The following CELSR1 variants were observed in gnomAD, a reference collection of about 807,000 sequenced individuals.
CELSR1 encodes the protein cadherin EGF LAG seven-pass G-type receptor 1.
Under a neutral mutation model 249.1 loss-of-function variants are expected in CELSR1, and 110 were observed. The observed-to-expected ratio is 0.44, with a 90% CI of 0.38 to 0.52. The LOEUF is 0.52. CELSR1 is among the 20% of genes least tolerant of loss of function. CELSR1 has a pLI of 0.00. For missense variants in CELSR1, 4,109 were observed against 4,296.4 expected (o/e 0.96, Z 1.22); for synonymous variants, 2,113 against 1,900.0 (o/e 1.11, Z -2.92).
Position 46,409,876 on chromosome 22 carries a change from G to A in CELSR1, c.4938C>T (p.Cys1646=), listed in dbSNP as rs538609135. The A allele has an allele frequency of 1.6e-5, 26 of 1,612,748 alleles. No individual in the cohort carries two copies. The highest frequency in any genetic ancestry group is 4.5e-5 in the East Asian group (2 of 44,866). The change falls in exon 8 of 35, where the codon TGC becomes TGT. Residue 1646 remains cysteine (C), a synonymous_variant. Coordinates refer to ENST00000674500, the MANE Select transcript of CELSR1 (RefSeq NM_001378328.1). The surrounding 1 kb of genome is among the most constrained non-coding windows in gnomAD (Gnocchi z 9.8). The part of the protein sequence containing the change: ...FIANNGTREG[C]AARRNFCDGR... ...CATCGCAGAAGTTCCTCCGAGCAGC[G>A]CAGCCTGGCAACACAGAGCGTGCGG... is the stretch of plus-strand genomic sequence containing the variant.
intron 1 of CELSR1, among the ~76,000 whole-genome samples, chr22:46,520,443 A>G (rs1226464934): frequency 6.6e-6 from 1 of 152,138 alleles, no homozygotes; most frequent in Non-Finnish European, 1.5e-5. Context: ...AATGTACATA[A>G]TACGGATCTT....
Position 46,484,298 on chromosome 22 carries a change from G to A in CELSR1, c.3545-19953C>T, listed in dbSNP as rs776487907. Among the ~76,000 whole-genome samples, 10 of 152,140 alleles carry A rather than the reference G, an allele frequency of 6.6e-5. No homozygotes were observed. The highest frequency in any genetic ancestry group is 1.3e-4 in the Admixed American group (2 of 15,282). ...AAGACCGCTGGGAGGGTCCTGCAGGGGACAGAGTCCCTCCTTCCACCAGCC... is the reference window on the plus strand; with the variant it reads ...AAGACCGCTGGGAGGGTCCTGCAGGAGACAGAGTCCCTCCTTCCACCAGCC... On this transcript the variant is annotated intron_variant, in intron 1 of 34. Transcript: ENST00000674500. This position sits in a 1 kb window ranked among gnomAD's most constrained non-coding sequence, Gnocchi z 4.5.
chr22:46,365,400 A>G lies in CELSR1; in HGVS notation c.8405-20T>C, dbSNP rs897022077. The stretch of plus-strand genomic sequence containing the variant: ...CGTGGCCTGTGGATGCGCGGGGGAC[A>G]GGGAGGCTCAGGCCCTGGGAGGTGA... On this transcript the variant is annotated intron_variant, in intron 31 of 34. Coordinates refer to ENST00000674500, the MANE Select transcript of CELSR1 (RefSeq NM_001378328.1). The G allele has an allele frequency of 3.1e-6, 5 of 1,611,012 alleles. No homozygotes were observed. The highest frequency in any genetic ancestry group is 2.5e-6 in the Non-Finnish European group (3 of 1,179,404).
chr22:46,483,516 T>C (rs2080287163), intron 1 of CELSR1, among the ~76,000 whole-genome samples: 1 of 151,544 alleles, frequency 6.6e-6, no homozygotes, highest in Non-Finnish European at 1.5e-5. Context: ...CCACTTCCTC[T>C]GTGAACTTGG....
intron 1 of CELSR1, among the ~76,000 whole-genome samples, chr22:46,491,633 C>CTG (rs2080368066): frequency 3.7e-5 from 2 of 53,854 alleles, no homozygotes; most frequent in Non-Finnish European, 9.2e-5. Context: ...TATTCTCTCT[C>CTG]TCTCTTTTTT....
chr22:46,390,418 T>C lies in CELSR1; in HGVS notation c.6319A>G (p.Ile2107Val), dbSNP rs4044210. The C allele has an allele frequency of 0.19, 298,399 of 1,612,724 alleles. 37,743 individuals are homozygous for C. The highest frequency in any genetic ancestry group is 0.65 in the African/African-American group (49,008 of 74,904). ...LPPELFNCTT[I>V]SFVDLRAMNE... ...ATGGCCCTGAGGTCCACGAAGGAGA[T>C]GGTGGTACAGTTAAAGAGCTCTGGG... is the stretch of plus-strand genomic sequence containing the variant. The change falls in exon 17 of 35, where the codon ATC becomes GTC. Residue 2107 changes from isoleucine (I) to valine (V), a missense_variant. Around this residue, in one of 7 missense-constraint regions of CELSR1, gnomAD observed 1,805 missense variants for 1,831.6 expected, o/e 0.99. Transcript: ENST00000674500. This position sits in a 1 kb window ranked among gnomAD's most constrained non-coding sequence, Gnocchi z 6.3.
At chr22:46,389,526 G>T in intron 17 of CELSR1, 27 bp from the exon 18 acceptor site, 2 of 1,610,646 alleles carry the variant, frequency 1.2e-6, no homozygotes, top group Middle Eastern at 3.3e-4. Flanking sequence ...GTCGTGATGT[G>T]TGCAAACCCA....
In CELSR1 at chr22:46,377,162, T is replaced by C. The variant is rs74665195; in HGVS notation, c.7483A>G (p.Met2495Val). 1.3e-5 allele frequency: 21 copies of C among 1,613,720 alleles called. No individual in the cohort carries two copies. In the African/African-American group the frequency reaches 2.7e-4, roughly 21 times the overall value. Residue 2495 changes from methionine (M) to valine (V), a missense_variant, in exon 24 of 35, where the codon ATG (methionine) becomes GTG (valine). Physicochemically the swap from Met to Val is conservative, Grantham distance 21. Around this residue, in one of 7 missense-constraint regions of CELSR1, gnomAD observed 1,805 missense variants for 1,831.6 expected, o/e 0.99. Coordinates refer to ENST00000674500, the MANE Select transcript of CELSR1 (RefSeq NM_001378328.1). ...VAFVLLSLVR[M>V]LRSNLHSIHK... ...ATGCTGTGCAGGTTGGAGCGCAGCA[T>C]GCGGACCAGGCTCAGGAGGACGAAG...
rs2079340347 is a variant in CELSR1 at position 46,411,826 on chromosome 22, G to A, written c.4612-67C>T. The A allele has an allele frequency of 6.3e-7, 1 of 1,595,542 alleles. No individual in the cohort carries two copies. The highest frequency in any genetic ancestry group is 8.5e-7 in the Non-Finnish European group (1 of 1,169,676). ...ACCAGTGCCCTCAGCAGGCGCACCTGTCACTCATAGAGCGAGGAGGACATG... is the reference window on the plus strand; with the variant it reads ...ACCAGTGCCCTCAGCAGGCGCACCTATCACTCATAGAGCGAGGAGGACATG... On this transcript the variant is annotated intron_variant, in intron 5 of 34. Coordinates refer to ENST00000674500, the MANE Select transcript of CELSR1 (RefSeq NM_001378328.1). This position sits in a 1 kb window ranked among gnomAD's most constrained non-coding sequence, Gnocchi z 4.2.
chr22:46,473,324 A>C lies in CELSR1; in HGVS notation c.3545-8979T>G, dbSNP rs1602185404. ...TCCCCAGTGATGGTGGATGGGAGGG[A>C]CAGAGGAGATGGTCCAAGAGGACCC... On this transcript the variant is annotated intron_variant, in intron 1 of 34. Coordinates refer to ENST00000674500, the MANE Select transcript of CELSR1 (RefSeq NM_001378328.1). The surrounding 1 kb of genome is among the most constrained non-coding windows in gnomAD (Gnocchi z 6.6). 6.6e-6 allele frequency among the ~76,000 whole-genome samples: 1 copy of C among 152,144 alleles called. No individual in the cohort carries two copies. Among genetic ancestry groups the C allele is most frequent in the East Asian group, 1.9e-4 (1 of 5,154 alleles).
At chr22:46,532,040 C>G (rs2080797218) in intron 1 of CELSR1, among the ~76,000 whole-genome samples, 1 of 152,190 alleles carries the variant, frequency 6.6e-6, no homozygotes, top group Admixed American at 6.5e-5. Context: ...CTCTCAGGAA[C>G]CAACCTCCTT....
chr22:46,367,787 G>A lies in CELSR1; in HGVS notation c.8021C>T (p.Ala2674Val). Reference sequence around the variant, plus strand: ...AAAGCTCAGTGCATCGCGGTTCACAGCCAGCAGCCCCAGCAGCCAGGTGGC... The same window carrying A: ...AAAGCTCAGTGCATCGCGGTTCACAACCAGCAGCCCCAGCAGCCAGGTGGC... ...ISATWLLGLL[A>V]VNRDALSFHY... The change falls in exon 28 of 35, where the codon GCT becomes GTT. Residue 2674 changes from alanine (A) to valine (V), a missense_variant. Physicochemically the swap from Ala to Val is moderately conservative, Grantham distance 64. Around this residue, in one of 7 missense-constraint regions of CELSR1, gnomAD observed 1,805 missense variants for 1,831.6 expected, o/e 0.99. Coordinates refer to ENST00000674500, the MANE Select transcript of CELSR1 (RefSeq NM_001378328.1). 1 of 1,611,378 alleles carries A rather than the reference G, an allele frequency of 6.2e-7. No individual in the cohort carries two copies. The highest frequency in any genetic ancestry group is 8.5e-7 in the Non-Finnish European group (1 of 1,179,538).
At chr22:46,507,335 G>A (rs955354212) in intron 1 of CELSR1, among the ~76,000 whole-genome samples, 7 of 152,130 alleles carry the variant, frequency 4.6e-5, no homozygotes, top group Non-Finnish European at 1.0e-4. Context: ...CTGAAGTCGG[G>A]GGGGTAGCCA....
chr22:46,484,888 G>A lies in CELSR1; in HGVS notation c.3545-20543C>T, dbSNP rs1227895063. ...CTTTGGGGGAAAAGATCAAATATTGGCCCAGACGTCTATTAATTTGCAACT... is the reference window on the plus strand; with the variant it reads ...CTTTGGGGGAAAAGATCAAATATTGACCCAGACGTCTATTAATTTGCAACT... On this transcript the variant is annotated intron_variant, in intron 1 of 34. Transcript: ENST00000674500. The surrounding 1 kb of genome is among the most constrained non-coding windows in gnomAD (Gnocchi z 4.5). 6.6e-6 allele frequency among the ~76,000 whole-genome samples: 1 copy of A among 151,112 alleles called. No individual in the cohort carries two copies. The highest frequency in any genetic ancestry group is 1.5e-5 in the Non-Finnish European group (1 of 67,892).
Position 46,366,418 on chromosome 22 carries a change from G to A in CELSR1, c.8268C>T (p.Gly2756=). ...DGPDMLRTDL[G]ESTASLDSIV... ...TGCTGTCCAGCGAGGCGGTGGACTCGCCCAAGTCTGTGCGCAGCATGTCAG... is the reference window on the plus strand; with the variant it reads ...TGCTGTCCAGCGAGGCGGTGGACTCACCCAAGTCTGTGCGCAGCATGTCAG... Residue 2756 remains glycine (G), a synonymous_variant, in exon 30 of 35, where the codon GGC becomes GGT. Transcript: ENST00000674500. The A allele has an allele frequency of 1.3e-6, 2 of 1,549,990 alleles. No homozygotes were observed. Among genetic ancestry groups the A allele is most frequent in the Non-Finnish European group, 8.7e-7 (1 of 1,146,632 alleles).
chr22:46,369,755 G>A lies in CELSR1; in HGVS notation c.7809C>T (p.Cys2603=). Residue 2603 remains cysteine (C), a synonymous_variant, in exon 26 of 35, where the codon TGC becomes TGT. Coordinates refer to ENST00000674500, the MANE Select transcript of CELSR1 (RefSeq NM_001378328.1). The stretch of plus-strand genomic sequence containing the variant: ...TCAGGGTGTCTTGAAGCGACAGCCA[G>A]CAGAAGTCGGGGTTCCCGTAGCCCT... ...DPQGYGNPDF[C]WLSLQDTLIW... The A allele has an allele frequency of 6.2e-7, 1 of 1,613,410 alleles. No homozygotes were observed. The highest frequency in any genetic ancestry group is 8.5e-7 in the Non-Finnish European group (1 of 1,179,994).
Position 46,516,073 on chromosome 22 carries a change from G to GA in CELSR1, c.3544+17553dup, listed in dbSNP as rs1389271598. 2.6e-5 allele frequency among the ~76,000 whole-genome samples: 4 copies of GA among 152,166 alleles called. No homozygotes were observed. The East Asian group carries it at 7.7e-4, about 29-fold the overall frequency. On this transcript the variant is annotated intron_variant, in intron 1 of 34. Transcript: ENST00000674500. ...GCGATTCCTCAAGGATCTAGAAGTAGAAATACCATTTGACCCAGCCATCCC... is the reference window on the plus strand; with the variant it reads ...GCGATTCCTCAAGGATCTAGAAGTAGAAAATACCATTTGACCCAGCCATCCC...
Position 46,534,896 on chromosome 22 carries a change from C to T in CELSR1, c.2275G>A (p.Val759Met), listed in dbSNP as rs753531287. The part of the protein sequence containing the change: ...PLDYKQEQQY[V>M]LAVTASDGTR... ...CCGTCGGATGCTGTCACCGCCAGCA[C>T]GTACTGCTGCTCCTGCTTGTAGTCC... is the stretch of plus-strand genomic sequence containing the variant. Residue 759 changes from valine (V) to methionine (M), a missense_variant, in exon 1 of 35, where the codon GTG becomes ATG. Transcript: ENST00000674500. This position sits in a 1 kb window ranked among gnomAD's most constrained non-coding sequence, Gnocchi z 9.7. 14 of 1,612,592 alleles carry T rather than the reference C, an allele frequency of 8.7e-6. 1 individual carries two copies. In the South Asian group the frequency reaches 1.3e-4, roughly 15 times the overall value.
chr22:46,469,339 G>A (rs73452228), intron 1 of CELSR1, among the ~76,000 whole-genome samples: 2,726 of 152,174 alleles, frequency 0.018, 96 homozygotes, highest in African/African-American at 0.063. Flanking sequence ...TTCCTGCCCC[G>A]GGGCCTTTGC....
Sources: gnomAD v4.1 joint callset for allele counts (sites outside exome capture counted in the v4.1 genomes callset) on GRCh38, gnomAD v4.1.1 for gene constraint, gnomAD v4.1.1 regional missense constraint, Gnocchi (gnomAD v3.1) non-coding constraint, MANE v1.5 for transcripts, NCBI Gene and HGNC (gene_info 2026-07-23, HGNC 2026-07-21) for gene names.